Variants in MAF observed in about 807,000 individuals in gnomAD.
The protein encoded by MAF is transcription factor Maf.
MAF carries 10 observed loss-of-function variants against 22.0 expected under a neutral mutation model. The ratio of observed to expected loss-of-function variants is 0.45; its 90% confidence interval spans 0.28 to 0.77. The LOEUF (loss-of-function observed/expected upper bound fraction) is 0.77, where lower values mean the gene tolerates loss of function less well. Ranked by LOEUF, MAF falls within the 30% of genes least tolerant of loss-of-function variation. The pLI is 0.12. For missense variants in MAF, 544 were observed against 548.4 expected (o/e 0.99, Z 0.08); for synonymous variants, 337 against 255.8 (o/e 1.32, Z -3.03).
chr16:79,512,711 C>G, the MAF span, among the ~76,000 whole-genome samples: 1 of 152,088 alleles, frequency 6.6e-6, no homozygotes, highest in Non-Finnish European at 1.5e-5. Context: ...ATGGTAAAGA[C>G]GTAATAAAGT....
At chr16:79,276,847 G>A in the MAF span, among the ~76,000 whole-genome samples, 3 of 152,078 alleles carry the variant, frequency 2.0e-5, no homozygotes, top group African/African-American at 7.2e-5. Context: ...TAAAATCGAG[G>A]TGTCGGCAGG....
chr16:79,280,583 G>A, the MAF span, among the ~76,000 whole-genome samples: 2 of 152,218 alleles, frequency 1.3e-5, no homozygotes, highest in African/African-American at 4.8e-5. Flanking sequence ...TCCTAGGGCT[G>A]CTTGAAGCAA....
At chr16:79,221,040 G>A in the MAF span, among the ~76,000 whole-genome samples, 1 of 152,220 alleles carries the variant, frequency 6.6e-6, no homozygotes, top group African/African-American at 2.4e-5. Flanking sequence ...AAAGAAACAA[G>A]CTAAACTTTG....
At chr16:79,408,505 T>C in the MAF span, among the ~76,000 whole-genome samples, 4 of 152,306 alleles carry the variant, frequency 2.6e-5, no homozygotes, top group African/African-American at 7.2e-5. Context: ...TATTATCTCA[T>C]TGACTTTTAA....
At chr16:79,390,568 G>A in the MAF span, among the ~76,000 whole-genome samples, 1 of 152,150 alleles carries the variant, frequency 6.6e-6, no homozygotes. Context: ...TCAAGGAACA[G>A]ACTGCTCTGA....
At chr16:79,585,552 T>G (rs535351889), downstream of MAF, among the ~76,000 whole-genome samples, 2 of 152,270 alleles carry the variant, frequency 1.3e-5, no homozygotes, top group African/African-American at 4.8e-5. Context: ...TAGACTCACG[T>G]TGGATAAAGC....
the MAF span, among the ~76,000 whole-genome samples, chr16:79,270,233 C>T: frequency 6.6e-6 from 1 of 152,022 alleles, no homozygotes; most frequent in Non-Finnish European, 1.5e-5. Flanking sequence ...AAAAAAGCAT[C>T]CTAGTGTATG....
the MAF span, among the ~76,000 whole-genome samples, chr16:79,227,787 C>G: frequency 6.6e-6 from 1 of 151,756 alleles, no homozygotes; most frequent in Non-Finnish European, 1.5e-5. Flanking sequence ...ATATCCTCAT[C>G]AAAAAAACCT....
At chr16:79,524,229 T>G in the MAF span, among the ~76,000 whole-genome samples, 1 of 152,194 alleles carries the variant, frequency 6.6e-6, no homozygotes, top group African/African-American at 2.4e-5. Flanking sequence ...TCTAAACGAC[T>G]TAACCCTTCC....
the MAF span, among the ~76,000 whole-genome samples, chr16:79,315,848 A>G: frequency 6.6e-5 from 10 of 152,342 alleles, no homozygotes; most frequent in African/African-American, 1.9e-4. Flanking sequence ...ACCTTCAAAA[A>G]TTAAGATAAA....
chr16:79,244,904 A>T, the MAF span, among the ~76,000 whole-genome samples: 3 of 152,178 alleles, frequency 2.0e-5, no homozygotes, highest in Non-Finnish European at 4.4e-5. Context: ...GGCCTCAGAA[A>T]TAATACCACA....
the MAF span, among the ~76,000 whole-genome samples, chr16:79,210,728 A>G: frequency 5.9e-3 from 894 of 152,290 alleles, 7 homozygotes; most frequent in Middle Eastern, 0.01. Context: ...TGGCTTGCAA[A>G]GCAAAGTGAT....
chr16:79,487,206 C>CAA, the MAF span, among the ~76,000 whole-genome samples: 17 of 131,760 alleles, frequency 1.3e-4, no homozygotes, highest in South Asian at 5.0e-4. Context: ...TGAACTAGTG[C>CAA]AAAAAAAAAA....
the MAF span, among the ~76,000 whole-genome samples, chr16:79,535,373 T>A: frequency 6.6e-6 from 1 of 151,180 alleles, no homozygotes; most frequent in Non-Finnish European, 1.5e-5. Context: ...AACTTTTCAG[T>A]GCTTCCACCC....
At chr16:79,236,597 G>T in the MAF span, among the ~76,000 whole-genome samples, 3 of 152,004 alleles carry the variant, frequency 2.0e-5, no homozygotes, top group Non-Finnish European at 4.4e-5. Flanking sequence ...CACAGAAGGG[G>T]CTCAGGAAAT....
At chr16:79,412,526 T>C in the MAF span, among the ~76,000 whole-genome samples, 2 of 152,238 alleles carry the variant, frequency 1.3e-5, no homozygotes, top group African/African-American at 4.8e-5. Context: ...GTAACTGTTG[T>C]AGGGGCTGTC....
chr16:79,278,049 C>A, the MAF span, among the ~76,000 whole-genome samples: 3 of 152,156 alleles, frequency 2.0e-5, no homozygotes, highest in African/African-American at 7.2e-5. Context: ...TGGGGTAATG[C>A]CTGCGATTGC....
the MAF span, among the ~76,000 whole-genome samples, chr16:79,326,618 T>C: frequency 2.6e-5 from 4 of 152,328 alleles, no homozygotes; most frequent in East Asian, 7.7e-4. Context: ...AACAAATATT[T>C]TAGGCTCTGT....
chr16:79,449,710 T>G, the MAF span, among the ~76,000 whole-genome samples: 1 of 152,148 alleles, frequency 6.6e-6, no homozygotes, highest in Non-Finnish European at 1.5e-5. Flanking sequence ...TTTACTGGGA[T>G]TCAGTTTCTC....
Sources: gnomAD v4.1 joint callset for allele counts (sites outside exome capture counted in the v4.1 genomes callset) on GRCh38, gnomAD v4.1.1 for gene constraint, MANE v1.5 for transcripts, NCBI Gene and HGNC (gene_info 2026-07-23, HGNC 2026-07-21) for gene names.